Variants in SEMA3D observed in about 807,000 individuals in gnomAD.
The protein encoded by SEMA3D is semaphorin 3D.
Under a neutral mutation model 100.1 loss-of-function variants are expected in SEMA3D, and 84 were observed. The observed-to-expected ratio is 0.84, with a 90% CI of 0.70 to 1.01. The LOEUF (loss-of-function observed/expected upper bound fraction) is 1.01. Among genes scored for constraint, SEMA3D ranks in the 50% least tolerant of loss-of-function variants. The pLI, the probability that SEMA3D is intolerant of heterozygous loss-of-function variation, is 0.00. For missense variants in SEMA3D, 875 were observed against 934.1 expected, an observed-to-expected ratio of 0.94 and a Z score of 0.82; for synonymous variants, 312 against 320.7, an observed-to-expected ratio of 0.97 and a Z score of 0.29.
In SEMA3D at chr7:85,010,105, G is replaced by A. The variant is rs548216825; in HGVS notation, c.1768+2677C>T. On this transcript the variant is annotated intron_variant, in intron 17 of 18. Transcript: ENST00000284136. Reference sequence around the variant, plus strand: ...AATTGATATAAAAAGATGGAGCTAAGTAAACATCTGAAAAACAAGTTCCTC... The same window carrying A: ...AATTGATATAAAAAGATGGAGCTAAATAAACATCTGAAAAACAAGTTCCTC... 2.0e-5 allele frequency among the ~76,000 whole-genome samples: 3 copies of A among 151,840 alleles called. No individual in the cohort carries two copies. The East Asian group carries it at 5.9e-4, about 30-fold the overall frequency.
At chr7:85,147,660 T>G (rs1220404333) in intron 2 of SEMA3D, among the ~76,000 whole-genome samples, 31 of 152,140 alleles carry the variant, frequency 2.0e-4, no homozygotes, top group Non-Finnish European at 2.9e-5. Flanking sequence ...AAGAATCAAT[T>G]TTTTCAAGTA....
intron 1 of SEMA3D, among the ~76,000 whole-genome samples, chr7:85,154,870 A>C (rs989323547): frequency 2.6e-5 from 4 of 152,174 alleles, no homozygotes; most frequent in Non-Finnish European, 5.9e-5. Flanking sequence ...AATATGCATA[A>C]GTCTGAAAAG....
In SEMA3D at chr7:85,022,512, T is replaced by G. The variant is rs1403536559; in HGVS notation, c.1293A>C (p.Val431=). The G allele has an allele frequency of 4.3e-6, 7 of 1,612,242 alleles. No individual in the cohort carries two copies. The highest frequency in any genetic ancestry group is 5.1e-6 in the Non-Finnish European group (6 of 1,178,798). The change falls in exon 13 of 19, where the codon GTA becomes GTC. Residue 431 remains valine, a synonymous_variant. Transcript: ENST00000284136. ...IKRHSVMYKS[V]YPVAGGPTFK... is the part of the protein sequence containing the mutation. The stretch of plus-strand genomic sequence containing the variant: ...ACGTTGGTCCTCCTGCAACTGGGTA[T>G]ACGGACTTATACATCACAGAGTGCC...
chr7:85,191,493 A>C (rs1410001746), upstream of SEMA3D, among the ~76,000 whole-genome samples: 1 of 152,134 alleles, frequency 6.6e-6, no homozygotes, highest in Non-Finnish European at 1.5e-5. Flanking sequence ...TAAGAAAATG[A>C]GGTTGAGGAG....
chr7:85,064,099 GCTGA>G (rs1791548622), intron 8 of SEMA3D, among the ~76,000 whole-genome samples: 2 of 152,168 alleles, frequency 1.3e-5, no homozygotes, highest in Non-Finnish European at 2.9e-5. Context: ...TGACAATGCT[GCTGA>G]CTTATTAATG....
chr7:85,050,201 C>G (rs1003326087), intron 9 of SEMA3D, among the ~76,000 whole-genome samples: 4 of 151,420 alleles, frequency 2.6e-5, no homozygotes, highest in Non-Finnish European at 5.9e-5. Context: ...AGACACAAAT[C>G]TTTTCAGTGG....
chr7:85,064,882 A>G (rs920838800), intron 8 of SEMA3D, among the ~76,000 whole-genome samples: 1 of 152,196 alleles, frequency 6.6e-6, no homozygotes, highest in Admixed American at 6.5e-5. Flanking sequence ...AATTATGTCA[A>G]TATTAATATG....
chr7:85,080,879 C>T (rs911222672), intron 5 of SEMA3D, among the ~76,000 whole-genome samples: 29 of 152,138 alleles, frequency 1.9e-4, no homozygotes, highest in African/African-American at 6.3e-4. Context: ...TTTCTCTGCT[C>T]TTCAAGGCAG....
chr7:85,028,421 A>C, intron 12 of SEMA3D: 1 of 447,378 alleles, frequency 2.2e-6, no homozygotes, highest in Non-Finnish European at 4.0e-6. Context: ...GCTGAAAGAA[A>C]TGTGCTAATC....
the SEMA3D span, among the ~76,000 whole-genome samples, chr7:85,213,694 CA>C: frequency 1.3e-5 from 2 of 151,030 alleles, no homozygotes; most frequent in Admixed American, 1.3e-4. Flanking sequence ...TTTCCTAGGG[CA>C]TTAAACAGAA....
the SEMA3D span, among the ~76,000 whole-genome samples, chr7:85,211,750 G>A: frequency 6.6e-6 from 1 of 151,802 alleles, no homozygotes; most frequent in African/African-American, 2.4e-5. Flanking sequence ...CTCCTCCTCA[G>A]CCTACTCATC....
chr7:85,035,170 A>G (rs971374092), intron 12 of SEMA3D, among the ~76,000 whole-genome samples: 10 of 151,532 alleles, frequency 6.6e-5, no homozygotes, highest in African/African-American at 2.4e-4. Flanking sequence ...ATTATATATC[A>G]TATATCCTAT....
chr7:85,209,723 A>G, the SEMA3D span, among the ~76,000 whole-genome samples: 11 of 152,070 alleles, frequency 7.2e-5, no homozygotes, highest in African/African-American at 2.7e-4. Context: ...TGTCCAGTGC[A>G]ATACATTAAG....
At chr7:85,030,754 T>G (rs1790526127) in intron 12 of SEMA3D, among the ~76,000 whole-genome samples, 1 of 152,068 alleles carries the variant, frequency 6.6e-6, no homozygotes, top group Non-Finnish European at 1.5e-5. Context: ...AAACCAACTA[T>G]CAAGTTGGAA....
At chr7:85,119,173 T>G (rs1043517490) in intron 3 of SEMA3D, among the ~76,000 whole-genome samples, 1 of 152,190 alleles carries the variant, frequency 6.6e-6, no homozygotes, top group South Asian at 2.1e-4. Flanking sequence ...TGTGGGAGTG[T>G]AAATTAGTTT....
At chr7:85,043,265 A>G (rs1006444754) in intron 9 of SEMA3D, among the ~76,000 whole-genome samples, 8 of 152,054 alleles carry the variant, frequency 5.3e-5, no homozygotes, top group Non-Finnish European at 1.2e-4. Context: ...AGGCTGAAGG[A>G]GGAAGATCAC....
intron 12 of SEMA3D, chr7:85,029,743 G>A (rs553021723): frequency 2.1e-5 from 5 of 242,192 alleles, no homozygotes; most frequent in South Asian, 1.6e-4. Flanking sequence ...TTAAAACACC[G>A]AAGAACCCAA....
chr7:85,020,154 T>C, intron 14 of SEMA3D, 79 bp downstream of exon 14: 1 of 872,320 alleles, frequency 1.1e-6, no homozygotes, highest in South Asian at 1.4e-5. Context: ...CCTGATGATG[T>C]ATTAAAACAA....
rs752922884 is a variant in SEMA3D at position 85,147,092 on chromosome 7, CTT to C, written c.-41+6514_-41+6515del. 0.032 allele frequency among the ~76,000 whole-genome samples: 1,550 copies of C among 48,138 alleles called. 127 individuals carry two copies. In the East Asian group the frequency reaches 0.34, roughly 11 times the overall value. The allele number at this position is 48,138 out of a possible 152,430, so 31.6% of individuals were successfully genotyped here. A position where few individuals can be genotyped will look rare whatever the true frequency, so the allele number is the denominator to read the frequency against. On this transcript the variant is annotated intron_variant, in intron 2 of 18. Coordinates refer to ENST00000284136, the MANE Select transcript of SEMA3D (RefSeq NM_001384900.1). ...TCTTTCTTTCTTTTCTTTTTCTTTT[CTT>C]TTTTTTTTTTTTTTTTTTTTTTTTT...
Sources: gnomAD v4.1 joint callset for allele counts (sites outside exome capture counted in the v4.1 genomes callset) on GRCh38, gnomAD v4.1.1 for gene constraint, MANE v1.5 for transcripts, NCBI Gene and HGNC (gene_info 2026-07-23, HGNC 2026-07-21) for gene names.